STAT5B: variants seen among roughly 807,000 people sequenced by gnomAD.
The protein encoded by STAT5B is transcription factor STAT5B.
Under a neutral mutation model 107.8 loss-of-function variants are expected in STAT5B, and 21 were observed. That is an observed-to-expected ratio of 0.19 (90% CI 0.14 to 0.28). STAT5B has a LOEUF of 0.28. Ranked by LOEUF, STAT5B falls within the 10% of genes least tolerant of loss-of-function variation. STAT5B has a pLI of 1.00. For missense variants in STAT5B, 565 were observed against 1,008.2 expected (o/e 0.56, Z 5.95); for synonymous variants, 325 against 401.7 (o/e 0.81, Z 2.28).
chr17:42,211,209 T>C (rs1357225854), intron 13 of STAT5B, among the ~76,000 whole-genome samples: 1 of 147,446 alleles, frequency 6.8e-6, no homozygotes. Context: ...AATAAATAAA[T>C]AAACAAAAAT....
At chr17:42,241,979 G>C (rs1471610251) in intron 1 of STAT5B, among the ~76,000 whole-genome samples, 1 of 151,978 alleles carries the variant, frequency 6.6e-6, no homozygotes, top group Non-Finnish European at 1.5e-5. Flanking sequence ...GAAGAGAACA[G>C]AAAGAATAAA....
upstream of STAT5B, among the ~76,000 whole-genome samples, chr17:42,281,593 T>A (rs2080795916): frequency 6.6e-6 from 1 of 152,214 alleles, no homozygotes; most frequent in Non-Finnish European, 1.5e-5. Flanking sequence ...AGGAGAGAGC[T>A]GGTGCTTTGT....
At chr17:42,246,226 A>G (rs2080450577) in intron 1 of STAT5B, among the ~76,000 whole-genome samples, 1 of 152,204 alleles carries the variant, frequency 6.6e-6, no homozygotes, top group African/African-American at 2.4e-5. Flanking sequence ...GACATAAAAC[A>G]CAGGAAGAAA....
intron 1 of STAT5B, among the ~76,000 whole-genome samples, chr17:42,261,129 G>A (rs922400597): frequency 2.0e-5 from 3 of 151,962 alleles, no homozygotes; most frequent in Non-Finnish European, 4.4e-5. Flanking sequence ...GGCTGGTCTC[G>A]ACCTCCTGAC....
At position 42,201,096 on chromosome 17, in the gene STAT5B, A is replaced by G; in HGVS notation, c.*642T>C. The G allele has an allele frequency of 2.5e-6, 1 of 403,456 alleles. No individual in the cohort carries two copies. Among genetic ancestry groups the G allele is most frequent in the South Asian group, 1.2e-4 (1 of 8,360 alleles). The allele number at this position is 403,456 out of a possible 1,614,324, so 25.0% of individuals were successfully genotyped here. A position where few individuals can be genotyped will look rare whatever the true frequency, so the allele number is the denominator to read the frequency against. ...AAGATGAGCTAAATGTTTTGTGAAA[A>G]GCCACCGCCCATCCGAAAGCTTGTG... On this transcript the variant is annotated 3_prime_UTR_variant, in exon 19 of 19. Transcript: ENST00000293328.
At chr17:42,222,074 G>T in intron 5 of STAT5B, among the ~76,000 whole-genome samples, 1 of 143,836 alleles carries the variant, frequency 7.0e-6, no homozygotes, top group South Asian at 2.3e-4. Flanking sequence ...TGCTGTGTGT[G>T]GTGTGTGTGT....
chr17:42,284,563 G>A, the STAT5B span, among the ~76,000 whole-genome samples: 1 of 152,152 alleles, frequency 6.6e-6, no homozygotes, highest in Non-Finnish European at 1.5e-5. Flanking sequence ...CACCATGCCC[G>A]GCCCTTTGGG....
At chr17:42,217,519 G>A (rs977087195) in intron 9 of STAT5B, 55 bp from the exon 10 acceptor site, 24 of 1,591,810 alleles carry the variant, frequency 1.5e-5, no homozygotes, top group Admixed American at 8.4e-5. Context: ...CAGGACATGC[G>A]GAGTAAATAA....
At chr17:42,243,351 T>C (rs563752705) in intron 1 of STAT5B, among the ~76,000 whole-genome samples, 1 of 152,272 alleles carries the variant, frequency 6.6e-6, no homozygotes, top group African/African-American at 2.4e-5. Flanking sequence ...AGTGAGACTC[T>C]GTCTCAAAAC....
intron 1 of STAT5B, among the ~76,000 whole-genome samples, chr17:42,233,381 G>C (rs2080332795): frequency 6.6e-6 from 1 of 152,020 alleles, no homozygotes; most frequent in South Asian, 2.1e-4. Flanking sequence ...AATTTATGAA[G>C]CAATGTTGTT....
upstream of STAT5B, chr17:42,276,419 G>A (rs1266916416): frequency 1.4e-5 from 2 of 146,488 alleles, no homozygotes; most frequent in Non-Finnish European, 3.0e-5. The surrounding 1 kb of genome is among the most constrained non-coding windows in gnomAD (Gnocchi z 4.8). Flanking sequence ...GGCCCGCGGG[G>A]GCGCGCGCGC....
chr17:42,210,669 G>C (rs1366494832), intron 13 of STAT5B, 172 bp from the exon 14 acceptor site: 3 of 663,990 alleles, frequency 4.5e-6, no homozygotes, highest in Non-Finnish European at 8.0e-6. Context: ...GAGGAAAAGA[G>C]GGAAGAAGGG....
At chr17:42,276,750 G>GT (rs936663977), upstream of STAT5B, 1 of 152,200 alleles carries the variant, frequency 6.6e-6, no homozygotes, top group Non-Finnish European at 1.5e-5. The surrounding 1 kb of genome is among the most constrained non-coding windows in gnomAD (Gnocchi z 4.8). Context: ...GCGCACTGTC[G>GT]TGGTCGTTTT....
chr17:42,239,997 G>A (rs187613849), intron 1 of STAT5B, among the ~76,000 whole-genome samples: 4 of 152,176 alleles, frequency 2.6e-5, no homozygotes, highest in Non-Finnish European at 4.4e-5. Flanking sequence ...AGCCGGGCAC[G>A]GTGGCGGGTG....
chr17:42,225,838 G>C (rs1181140190), intron 3 of STAT5B, among the ~76,000 whole-genome samples: 2 of 152,158 alleles, frequency 1.3e-5, no homozygotes, highest in Admixed American at 1.3e-4. Flanking sequence ...TTAGAAGTCT[G>C]CTCGGAGATG....
At chr17:42,272,648 C>A (rs940831347) in intron 1 of STAT5B, 1 of 152,076 alleles carries the variant, frequency 6.6e-6, no homozygotes, top group Non-Finnish European at 1.5e-5. Context: ...CACATGGCAT[C>A]TGATGTTTGT....
At position 42,201,775 on chromosome 17, in the gene STAT5B, G is replaced by T; in HGVS notation, c.2327C>A (p.Pro776Gln). 2 of 1,614,106 alleles carry T rather than the reference G, an allele frequency of 1.2e-6. No individual in the cohort carries two copies. Among genetic ancestry groups the T allele is most frequent in the Non-Finnish European group, 1.7e-6 (2 of 1,180,000 alleles). ...GTGCGGGATCCACTGACTGTCCATT[G>T]GCCGGCCCAGGAGCTCCTCCACACG... ...ARRVEELLGRPMDSQWIPHAQ... is the reference protein window; with the variant it reads ...ARRVEELLGRQMDSQWIPHAQ... The change falls in exon 19 of 19, where the codon CCA (proline) becomes CAA (glutamine). Residue 776 changes from proline to glutamine, a missense_variant. This residue lies in a region of STAT5B where 76 missense variants were observed against 110.2 expected (regional missense o/e 0.69). Transcript: ENST00000293328.
chr17:42,202,952 T>TAA (rs2080057458), intron 16 of STAT5B, 144 bp from the exon 17 acceptor site: 2 of 1,145,566 alleles, frequency 1.7e-6, no homozygotes, highest in Non-Finnish European at 2.6e-6. Context: ...TATTTTTTTG[T>TAA]TTTGTTTTTT....
rs190534962 is a variant in STAT5B, at chr17:42,232,430, G to A, written c.-10-293C>T. 6.1e-3 allele frequency among the ~76,000 whole-genome samples: 922 copies of A among 151,970 alleles called. 7 individuals are homozygous for A. The highest frequency in any genetic ancestry group is 0.011 in the South Asian group (53 of 4,814). On this transcript the variant is annotated intron_variant, in intron 1 of 18. Coordinates refer to ENST00000293328, the MANE Select transcript of STAT5B (RefSeq NM_012448.4). ...TGCTTGGTTAATTTTTGTATTTTTA[G>A]TAGAGATGGGGTTTCACCGTGTTGG...
Sources: allele counts gnomAD v4.1 joint callset (sites outside exome capture counted in the v4.1 genomes callset), GRCh38; gene constraint gnomAD v4.1.1; regional missense constraint gnomAD v4.1.1; non-coding constraint Gnocchi (gnomAD v3.1); transcripts MANE v1.5; gene names NCBI Gene and HGNC (gene_info 2026-07-23, HGNC 2026-07-21).